The following HMCN2 variants were observed in gnomAD, a reference collection of about 807,000 sequenced individuals.
HMCN2 encodes hemicentin 2, also known as hemicentin-2.
In HMCN2, 325 loss-of-function variants were observed where a neutral mutation model predicts 377.5. The ratio of observed to expected loss-of-function variants is 0.86; its 90% CI spans 0.79 to 0.94. The LOEUF is 0.94. HMCN2 is among the 40% of genes least tolerant of loss of function. The pLI is 0.00. For missense variants in HMCN2, 4,543 were observed against 4,725.3 expected (o/e 0.96, Z 1.13); for synonymous variants, 2,007 against 2,046.8 (o/e 0.98, Z 0.53).
At chr9:130,356,028 C>T (rs1388803675) in intron 33 of HMCN2, 60 bp from the exon 34 acceptor site, 6 of 1,118,086 alleles carry the variant, frequency 5.4e-6, no homozygotes, top group Non-Finnish European at 7.0e-6. Flanking sequence ...CCTGCTTGTC[C>T]TGCCTGGCCT....
intron 1 of HMCN2, among the ~76,000 whole-genome samples, chr9:130,274,852 A>C (rs1378058950): frequency 6.6e-6 from 1 of 152,220 alleles, no homozygotes; most frequent in East Asian, 1.9e-4. Context: ...ATAAGATGCC[A>C]TTGGAGGAAT....
At position 130,433,419 on chromosome 9, in the gene HMCN2, C is replaced by T; in HGVS notation, c.14966C>T (p.Pro4989Leu). The change falls in exon 98 of 98, where the codon CCG becomes CTG. Residue 4989 changes from proline (P) to leucine (L), a missense_variant. Physicochemically the swap from Pro to Leu is moderately conservative, Grantham distance 98. Transcript: ENST00000683500. ...TCTACGCTGCAGTACCGGCTGCTGC[C>T]GCTGCCCCTGGGCGTGCGCGCCCAC... ...GPSTLQYRLLPLPLGVRAHHD... is the reference protein window; with the variant it reads ...GPSTLQYRLLLLPLGVRAHHD... 1 of 1,492,602 alleles carries T rather than the reference C, an allele frequency of 6.7e-7. No homozygotes were observed. 92.5% of individuals were successfully genotyped at this position (1,492,602 alleles called of 1,614,324 possible). A position where few individuals can be genotyped will look rare whatever the true frequency, so the allele number is the denominator to read the frequency against.
chr9:130,433,420 G>A lies in HMCN2; in HGVS notation c.14967G>A (p.Pro4989=). 6.7e-7 allele frequency: 1 copy of A among 1,491,730 alleles called. No individual in the cohort carries two copies. Among genetic ancestry groups the A allele is most frequent in the East Asian group, 2.8e-5 (1 of 35,194 alleles). The allele number at this position is 1,491,730 out of a possible 1,614,324, so 92.4% of individuals were successfully genotyped here. A position where few individuals can be genotyped will look rare whatever the true frequency, so the allele number is the denominator to read the frequency against. The change falls in exon 98 of 98, where the codon CCG becomes CCA. Residue 4989 remains proline (P), a synonymous_variant. Coordinates refer to ENST00000683500, the MANE Select transcript of HMCN2 (RefSeq NM_001291815.2). ...CTACGCTGCAGTACCGGCTGCTGCC[G>A]CTGCCCCTGGGCGTGCGCGCCCACC... is the stretch of plus-strand genomic sequence containing the variant. The part of the protein sequence containing the change: ...GPSTLQYRLL[P]LPLGVRAHHD...
At chr9:130,340,625 T>G (rs1015984176) in intron 23 of HMCN2, among the ~76,000 whole-genome samples, 12 of 150,758 alleles carry the variant, frequency 8.0e-5, no homozygotes, top group Non-Finnish European at 1.2e-4. Flanking sequence ...GTTCAAGCAA[T>G]TCTCGTGCTT....
In HMCN2 at chr9:130,349,691, G is replaced by T. The variant is rs149781866; in HGVS notation, c.4430+28G>T. Reference sequence around the variant, plus strand: ...GAGTGCCCCCCTCCCCGAGGATGGCGTGTGGTGGTGCCCAGACTCAGCCTG... The same window carrying T: ...GAGTGCCCCCCTCCCCGAGGATGGCTTGTGGTGGTGCCCAGACTCAGCCTG... On this transcript the variant is annotated intron_variant, in intron 29 of 97. Transcript: ENST00000683500. 573 of 1,296,580 alleles carry T rather than the reference G, an allele frequency of 4.4e-4. 3 individuals are homozygous for T. In the African/African-American group the frequency reaches 8.1e-3, roughly 18 times the overall value. 80.3% of individuals were successfully genotyped at this position (1,296,580 alleles called of 1,614,324 possible). A position where few individuals can be genotyped will look rare whatever the true frequency, so the allele number is the denominator to read the frequency against.
intron 25 of HMCN2, among the ~76,000 whole-genome samples, chr9:130,343,182 T>C (rs1839155253): frequency 2.0e-5 from 3 of 152,140 alleles, no homozygotes; most frequent in Admixed American, 6.5e-5. Flanking sequence ...AGAAGATCCC[T>C]CCTCAGCCCC....
chr9:130,391,821 A>T, intron 65 of HMCN2, 114 bp from the exon 66 acceptor site: 1 of 642,412 alleles, frequency 1.6e-6, no homozygotes, highest in Non-Finnish European at 1.9e-6. Flanking sequence ...ACAAGGGACC[A>T]CTGTGGTTGC....
At chr9:130,382,987 A>T in intron 56 of HMCN2, 121 bp downstream of exon 56, 1 of 549,956 alleles carries the variant, frequency 1.8e-6, no homozygotes, top group Non-Finnish European at 2.3e-6. Context: ...ACCATGCTGG[A>T]GCCCAGCCAA....
chr9:130,295,711 TC>T lies in HMCN2; in HGVS notation c.833del (p.Pro278LeufsTer7), dbSNP rs1300271041. On this transcript the variant is annotated frameshift_variant, in exon 6 of 98. Transcript: ENST00000683500. LOFTEE classifies it high-confidence loss of function. ...EDEGLNVLLN[I>X]PDSAKVVAFK... ...GAGGGCCTCAACGTGCTTCTCAACA[TC>T]CCTGACTCGGCCAAGGTCGTAGCCT... is the stretch of plus-strand genomic sequence containing the variant. 1 of 470,896 alleles carries T rather than the reference TC, an allele frequency of 2.1e-6. No homozygotes were observed. Among genetic ancestry groups the T allele is most frequent in the African/African-American group, 2.0e-5 (1 of 50,044 alleles). 29.2% of individuals were successfully genotyped at this position (470,896 alleles called of 1,614,324 possible).
intron 79 of HMCN2, 56 bp downstream of exon 79, chr9:130,403,384 A>G (rs1842944261): frequency 3.1e-6 from 4 of 1,281,704 alleles, no homozygotes; most frequent in Admixed American, 4.6e-5. Flanking sequence ...GGGTCTGGGC[A>G]GGGGGGGAGT....
At chr9:130,333,222 A>G (rs1838520513) in intron 22 of HMCN2, among the ~76,000 whole-genome samples, 1 of 152,242 alleles carries the variant, frequency 6.6e-6, no homozygotes, top group African/African-American at 2.4e-5. Flanking sequence ...GCCATCAGAC[A>G]GCGTAATGAC....
At chr9:130,371,342 AG>A (rs1369118416) in intron 46 of HMCN2, among the ~76,000 whole-genome samples, 1 of 151,540 alleles carries the variant, frequency 6.6e-6, no homozygotes, top group Non-Finnish European at 1.5e-5. Context: ...AATTTGGAAA[AG>A]GCTTCCTGCT....
At position 130,285,200 on chromosome 9, in the gene HMCN2, G is replaced by A. The variant is rs368629790; in HGVS notation, c.373G>A (p.Ala125Thr). ...GGAGATGAGTGTGGGGGCCATTAAG[G>A]CTGCCGTGGAGGTTGCCAACCCCGG... ...CPEMSVGAIK[A>T]AVEVANPGSF... Residue 125 changes from alanine to threonine, a missense_variant, in exon 3 of 98, where the codon GCT (alanine) becomes ACT (threonine). Ala to Thr is a moderately conservative substitution (Grantham distance 58). Coordinates refer to ENST00000683500, the MANE Select transcript of HMCN2 (RefSeq NM_001291815.2). The A allele has an allele frequency of 2.4e-4, 112 of 471,174 alleles. No individual in the cohort carries two copies. In the East Asian group the frequency reaches 3.9e-3, roughly 16 times the overall value. 29.2% of individuals were successfully genotyped at this position (471,174 alleles called of 1,614,324 possible).
At position 130,418,974 on chromosome 9, in the gene HMCN2, C is replaced by T. The variant is rs552576222; in HGVS notation, c.13164C>T (p.Gly4388=). Residue 4388 remains glycine (G), a synonymous_variant, in exon 86 of 98, where the codon GGC becomes GGT. Coordinates refer to ENST00000683500, the MANE Select transcript of HMCN2 (RefSeq NM_001291815.2). ...AGAACGTGGAGACTGGGGATGCAGG[C>T]ACCTACGACTGCGTCGCTCACAACC... ...WLENVETGDA[G]TYDCVAHNLL... 286 of 1,521,932 alleles carry T rather than the reference C, an allele frequency of 1.9e-4. 1 individual carries two copies. The Admixed American group carries it at 2.0e-3, about 10-fold the overall frequency. The allele number at this position is 1,521,932 out of a possible 1,614,324, so 94.3% of individuals were successfully genotyped here.
At chr9:130,431,318 G>A (rs765588151) in intron 95 of HMCN2, 49 bp from the exon 96 acceptor site, 18 of 1,528,460 alleles carry the variant, frequency 1.2e-5, no homozygotes, top group Middle Eastern at 2.2e-4. Flanking sequence ...GGCTCAGTGC[G>A]TCTCTCTGCC....
chr9:130,281,072 C>T (rs1245856669), intron 1 of HMCN2, among the ~76,000 whole-genome samples: 1 of 149,774 alleles, frequency 6.7e-6, no homozygotes, highest in African/African-American at 2.5e-5. Context: ...CACTGTACTC[C>T]AACCTGGGTG....
chr9:130,397,421 T>C, intron 73 of HMCN2, 107 bp from the exon 74 acceptor site: 1 of 1,079,866 alleles, frequency 9.3e-7, no homozygotes, highest in Non-Finnish European at 1.2e-6. Flanking sequence ...CATATCAGCA[T>C]CCTCTCACTG....
At chr9:130,318,137 A>G (rs1308032001) in intron 15 of HMCN2, among the ~76,000 whole-genome samples, 1 of 152,164 alleles carries the variant, frequency 6.6e-6, no homozygotes, top group African/African-American at 2.4e-5. Context: ...CCAGTGAGAA[A>G]GGGTGGTGTC....
At chr9:130,345,700 T>C (rs1839357732) in intron 25 of HMCN2, among the ~76,000 whole-genome samples, 1 of 151,790 alleles carries the variant, frequency 6.6e-6, no homozygotes, top group Non-Finnish European at 1.5e-5. Context: ...TGGGACATTC[T>C]GGCCTGCATT....
Sources: gnomAD v4.1 joint callset for allele counts (sites outside exome capture counted in the v4.1 genomes callset) on GRCh38, gnomAD v4.1.1 for gene constraint, MANE v1.5 for transcripts, NCBI Gene and HGNC (gene_info 2026-07-23, HGNC 2026-07-21) for gene names.